Variants in AP3B1 observed in about 807,000 individuals in gnomAD.
The protein encoded by AP3B1 is adaptor related protein complex 3 subunit beta 1, also known as AP-3 complex subunit beta-1.
A neutral mutation model predicts 132.5 loss-of-function variants in AP3B1; 61 were observed. The observed-to-expected ratio is 0.46, with a 90% CI of 0.37 to 0.57. AP3B1 has a LOEUF of 0.57. Among genes scored for constraint, AP3B1 ranks in the 20% least tolerant of loss-of-function variants. The pLI is 0.00. For synonymous variants in AP3B1, 388 were observed against 438.3 expected, an observed-to-expected ratio of 0.89 and a Z score of 1.43; for missense variants, 1,120 against 1,289.4, an observed-to-expected ratio of 0.87 and a Z score of 2.01.
intron 24 of AP3B1, among the ~76,000 whole-genome samples, chr5:78,030,835 C>T (rs1375209242): frequency 1.3e-5 from 2 of 152,052 alleles, no homozygotes; most frequent in African/African-American, 4.8e-5. Context: ...TGCCACCATA[C>T]CTGGCTAACC....
intron 22 of AP3B1, among the ~76,000 whole-genome samples, chr5:78,058,641 G>A (rs1307565173): frequency 6.6e-6 from 1 of 152,168 alleles, no homozygotes; most frequent in Non-Finnish European, 1.5e-5. Context: ...TGACTGATCT[G>A]AAAATTTCAA....
At chr5:78,266,504 T>A in intron 2 of AP3B1, among the ~76,000 whole-genome samples, 1 of 152,186 alleles carries the variant, frequency 6.6e-6, no homozygotes. Flanking sequence ...TTATTTGGAC[T>A]TTAATATATC....
At chr5:78,016,255 G>T (rs553694318) in intron 25 of AP3B1, among the ~76,000 whole-genome samples, 12 of 151,968 alleles carry the variant, frequency 7.9e-5, no homozygotes, top group Non-Finnish European at 1.3e-4. Flanking sequence ...ATATTTAGGA[G>T]AGAAATTAAG....
chr5:78,204,228 T>C (rs1351625851), intron 7 of AP3B1, among the ~76,000 whole-genome samples: 2 of 152,214 alleles, frequency 1.3e-5, no homozygotes, highest in East Asian at 3.8e-4. Context: ...CCAGGGATTA[T>C]TGTTGCTGCC....
chr5:78,099,233 A>G (rs1751028723), intron 21 of AP3B1, among the ~76,000 whole-genome samples: 1 of 152,184 alleles, frequency 6.6e-6, no homozygotes, highest in Non-Finnish European at 1.5e-5. Flanking sequence ...TCTGCTGTTT[A>G]TAAATTACCC....
intron 21 of AP3B1, among the ~76,000 whole-genome samples, chr5:78,097,182 C>G (rs1468158636): frequency 7.5e-6 from 1 of 133,026 alleles, no homozygotes; most frequent in Admixed American, 7.2e-5. Flanking sequence ...GCTGCCCCTA[C>G]TGGGAAGTGA....
At chr5:78,195,824 A>G (rs1001892113) in intron 7 of AP3B1, among the ~76,000 whole-genome samples, 8 of 152,016 alleles carry the variant, frequency 5.3e-5, no homozygotes, top group African/African-American at 1.9e-4. Context: ...CATCTCAAAA[A>G]ATAAAAATAA....
chr5:78,101,368 A>G (rs1261656823), intron 20 of AP3B1: 1 of 447,878 alleles, frequency 2.2e-6, no homozygotes, highest in East Asian at 6.9e-5. Context: ...TATTCTTGAA[A>G]ATAACTTTTA....
At chr5:78,270,112 A>C (rs1748489856) in intron 1 of AP3B1, among the ~76,000 whole-genome samples, 5 of 152,056 alleles carry the variant, frequency 3.3e-5, no homozygotes, top group Admixed American at 3.3e-4. Context: ...GGGTTTCATC[A>C]TGTTGGCCAG....
intron 17 of AP3B1, among the ~76,000 whole-genome samples, chr5:78,119,853 C>A (rs1462100550): frequency 5.9e-5 from 9 of 152,172 alleles, no homozygotes. Flanking sequence ...CACAAAGATA[C>A]TCCTTGAGAA....
chr5:78,182,858 T>C (rs1256355036), intron 7 of AP3B1, among the ~76,000 whole-genome samples: 1 of 152,210 alleles, frequency 6.6e-6, no homozygotes, highest in African/African-American at 2.4e-5. Flanking sequence ...CAAGATGGGA[T>C]TGAGAGTTTC....
chr5:78,157,489 C>G (rs1007235900), intron 13 of AP3B1, among the ~76,000 whole-genome samples: 2 of 152,184 alleles, frequency 1.3e-5, no homozygotes, highest in African/African-American at 4.8e-5. Context: ...TCATACTAAA[C>G]TGGCCAATCA....
chr5:78,148,277 T>C (rs1753499553), intron 14 of AP3B1, among the ~76,000 whole-genome samples: 1 of 152,152 alleles, frequency 6.6e-6, no homozygotes, highest in Admixed American at 6.5e-5. Context: ...ACGAGTTTAC[T>C]AGCACAAGTT....
chr5:78,125,614 T>C (rs1234766572), intron 17 of AP3B1, among the ~76,000 whole-genome samples: 1 of 152,150 alleles, frequency 6.6e-6, no homozygotes, highest in Non-Finnish European at 1.5e-5. Context: ...TCCCTCATAG[T>C]ATAATTTTAA....
Position 78,267,612 on chromosome 5 carries a change from GA to G in AP3B1, c.129-18del, listed in dbSNP as rs201281724. Reference sequence around the variant, plus strand: ...TCTTCATTCCTATTACAAAAGAGAAGAAAAAAAATCCATACTTTGATTTTTA... The same window carrying G: ...TCTTCATTCCTATTACAAAAGAGAAGAAAAAAATCCATACTTTGATTTTTA... On this transcript the variant is annotated intron_variant, in intron 1 of 26. Coordinates refer to ENST00000255194, the MANE Select transcript of AP3B1 (RefSeq NM_003664.5). The G allele has an allele frequency of 1.1e-5, 16 of 1,499,020 alleles. No individual in the cohort carries two copies. Among genetic ancestry groups the G allele is most frequent in the Middle Eastern group, 1.7e-4 (1 of 5,796 alleles). 92.9% of individuals were successfully genotyped at this position (1,499,020 alleles called of 1,614,324 possible). A position where few individuals can be genotyped will look rare whatever the true frequency, so the allele number is the denominator to read the frequency against.
At chr5:78,085,425 T>A (rs370603101) in intron 22 of AP3B1, among the ~76,000 whole-genome samples, 1 of 152,184 alleles carries the variant, frequency 6.6e-6, no homozygotes, top group East Asian at 1.9e-4. Flanking sequence ...AAAGTACACA[T>A]ATCTTAAGTG....
intron 5 of AP3B1, among the ~76,000 whole-genome samples, chr5:78,226,557 T>A (rs1261274821): frequency 1.3e-5 from 2 of 152,110 alleles, no homozygotes; most frequent in Non-Finnish European, 2.9e-5. Flanking sequence ...TAATATCTTA[T>A]TCATTATAGA....
rs566729844 is a variant in AP3B1, at chr5:78,181,579, C to T, written c.870G>A (p.Pro290=). Residue 290 remains proline, a synonymous_variant, in exon 8 of 27, where the codon CCG becomes CCA. Coordinates refer to ENST00000255194, the MANE Select transcript of AP3B1 (RefSeq NM_003664.5). The part of the protein sequence containing the change: ...QKEKTDKKKK[P]YTMDPDHRLL... ...GTCTATGATCTGGATCCATAGTATA[C>T]GGCTTCTTCTTTTTGTCAGTCTTTT... 10 of 1,612,336 alleles carry T rather than the reference C, an allele frequency of 6.2e-6. No individual in the cohort carries two copies. Among genetic ancestry groups the T allele is most frequent in the African/African-American group, 2.7e-5 (2 of 74,956 alleles).
At chr5:78,098,447 G>A (rs1466678514) in intron 21 of AP3B1, among the ~76,000 whole-genome samples, 1 of 151,872 alleles carries the variant, frequency 6.6e-6, no homozygotes, top group Non-Finnish European at 1.5e-5. Context: ...AGAAAAAGTT[G>A]TAATTAGTAC....
Sources: gnomAD v4.1 joint callset for allele counts (sites outside exome capture counted in the v4.1 genomes callset) on GRCh38, gnomAD v4.1.1 for gene constraint, MANE v1.5 for transcripts, NCBI Gene and HGNC (gene_info 2026-07-23, HGNC 2026-07-21) for gene names.